Variants in PITX1 observed in about 807,000 individuals in gnomAD.
The protein encoded by PITX1 is paired like homeodomain 1.
PITX1 carries 5 observed loss-of-function variants against 24.1 expected under a neutral mutation model. That is an observed-to-expected ratio of 0.21 (90% confidence interval 0.11 to 0.44). PITX1 has a LOEUF of 0.44. Among genes scored for constraint, PITX1 ranks in the 20% least tolerant of loss-of-function variants. PITX1 has a pLI of 0.99. For synonymous variants in PITX1, 213 were observed against 208.9 expected (o/e 1.02, Z -0.17); for missense variants, 401 against 455.4 (o/e 0.88, Z 1.09).
Position 135,029,174 on chromosome 5 carries a change from AGTT to A in PITX1, c.547_549del (p.Asn183del), listed in dbSNP as rs751855351. ...GCTGGCGCCAGGCTCTTGGCGGCCCAGTTGTTGTAGGAGTAGCCGGCGGCGTAC... is the reference window on the plus strand; with the variant it reads ...GCTGGCGCCAGGCTCTTGGCGGCCCAGTTGTAGGAGTAGCCGGCGGCGTAC... On this transcript the variant is annotated inframe_deletion, in exon 3 of 3. Coordinates refer to ENST00000265340, the MANE Select transcript of PITX1 (RefSeq NM_002653.5). The A allele has an allele frequency of 2.5e-5, 40 of 1,614,096 alleles. No individual in the cohort carries two copies. Among genetic ancestry groups the A allele is most frequent in the African/African-American group, 8.0e-5 (6 of 74,944 alleles).
chr5:135,032,529 C>T (rs1366089231), intron 1 of PITX1, among the ~76,000 whole-genome samples: 1 of 152,124 alleles, frequency 6.6e-6, no homozygotes, highest in Non-Finnish European at 1.5e-5. Flanking sequence ...CGGAGAAACG[C>T]GCCATTTTGG....
intron 2 of PITX1, 44 bp from the exon 3 acceptor site, chr5:135,029,365 G>GGAGGGACCCCAC: frequency 2.0e-6 from 3 of 1,499,492 alleles, no homozygotes; most frequent in Non-Finnish European, 2.7e-6. Context: ...CTGCGGGCCG[G>GGAGGGACCCCAC]GAGGGACCCC....
rs756005087 is a variant in PITX1 at position 135,029,090 on chromosome 5, A to T, written c.634T>A (p.Ser212Thr). ...ATGGAGCTGGGTGCTGAGAACATGG[A>T]CTGCGACGACAGCGGGCTCATGGAG... ...FNSMSPLSSQ[S>T]MFSAPSSISS... The change falls in exon 3 of 3, where the codon TCC becomes ACC. Residue 212 changes from serine to threonine, a missense_variant. Around this residue, in one of 3 missense-constraint regions of PITX1, gnomAD observed 217 missense variants for 219.8 expected, o/e 0.99. Coordinates refer to ENST00000265340, the MANE Select transcript of PITX1 (RefSeq NM_002653.5). 1.9e-6 allele frequency: 3 copies of T among 1,614,126 alleles called. No individual in the cohort carries two copies. In the South Asian group the frequency reaches 3.3e-5, roughly 18 times the overall value.
chr5:135,031,894 C>T (rs1385494970), intron 1 of PITX1: 1 of 264,108 alleles, frequency 3.8e-6, no homozygotes, highest in Admixed American at 5.0e-5. Context: ...CTTTTCTGAA[C>T]TAGGATCAGA....
At chr5:135,030,360 T>G (rs1198401683) in intron 2 of PITX1, among the ~76,000 whole-genome samples, 2 of 152,158 alleles carry the variant, frequency 1.3e-5, no homozygotes, top group African/African-American at 4.8e-5. Flanking sequence ...GAGTTCAGGA[T>G]TACTGAGTGC....
rs1287893009 is a variant in PITX1, at chr5:135,028,306, G to GT, written c.*472dup. The GT allele has an allele frequency of 6.6e-6, 1 of 152,468 alleles. No individual in the cohort carries two copies. Among genetic ancestry groups the GT allele is most frequent in the Non-Finnish European group, 1.5e-5 (1 of 68,250 alleles). 9.4% of individuals were successfully genotyped at this position (152,468 alleles called of 1,614,324 possible). A position where few individuals can be genotyped will look rare whatever the true frequency, so the allele number is the denominator to read the frequency against. On this transcript the variant is annotated 3_prime_UTR_variant, in exon 3 of 3. Coordinates refer to ENST00000265340, the MANE Select transcript of PITX1 (RefSeq NM_002653.5). ...TACGGGGTCGGGAAATCCTAGGCAA[G>GT]TCCAGGCCCCGCACATCCAGTCCGC...
chr5:135,032,773 GTTGA>G (rs770245000), intron 1 of PITX1: 22 of 287,438 alleles, frequency 7.7e-5, no homozygotes, highest in Non-Finnish European at 1.3e-4. Flanking sequence ...AGAGTTCAGC[GTTGA>G]TTATGTTTTA....
intron 1 of PITX1, 45 bp from the exon 2 acceptor site, chr5:135,031,553 C>T (rs1223236732): frequency 6.8e-7 from 1 of 1,478,832 alleles, no homozygotes; most frequent in Non-Finnish European, 9.3e-7. Context: ...GCTTACGCCC[C>T]GTTGCACCCC....
chr5:135,033,983 G>T lies in PITX1; in HGVS notation c.-102C>A. 1.4e-6 allele frequency: 1 copy of T among 698,134 alleles called. No homozygotes were observed. The highest frequency in any genetic ancestry group is 2.0e-6 in the Non-Finnish European group (1 of 512,458). The allele number at this position is 698,134 out of a possible 1,614,324, so 43.2% of individuals were successfully genotyped here. ...ACAAGAGCGCAGCGCCTAAGCGGCTGCCCTCCAGGGCTGCCGGCGCCTGCA... is the reference window on the plus strand; with the variant it reads ...ACAAGAGCGCAGCGCCTAAGCGGCTTCCCTCCAGGGCTGCCGGCGCCTGCA... On this transcript the variant is annotated 5_prime_UTR_variant, in exon 1 of 3. Transcript: ENST00000265340. This position sits in a 1 kb window ranked among gnomAD's most constrained non-coding sequence, Gnocchi z 5.9.
At chr5:135,030,100 A>T (rs888685) in intron 2 of PITX1, among the ~76,000 whole-genome samples, 74,720 of 152,004 alleles carry the variant, frequency 0.49, 20,631 homozygotes, top group African/African-American at 0.75. Context: ...TTCTTACTAG[A>T]TTCTTCTAAT....
rs1306372004 is a variant in PITX1, at chr5:135,033,217, G to A, written c.169+496C>T. ...CGTCCTCTGTGTCTCCCTTCTACTT[G>A]ATGACCCCTCTCCCCCCGTTTACCC... On this transcript the variant is annotated intron_variant, in intron 1 of 2. Coordinates refer to ENST00000265340, the MANE Select transcript of PITX1 (RefSeq NM_002653.5). The surrounding 1 kb of genome is among the most constrained non-coding windows in gnomAD (Gnocchi z 5.9). 1 of 309,814 alleles carries A rather than the reference G, an allele frequency of 3.2e-6. No individual in the cohort carries two copies. Among genetic ancestry groups the A allele is most frequent in the East Asian group, 1.2e-4 (1 of 8,378 alleles). The allele number at this position is 309,814 out of a possible 1,614,324, so 19.2% of individuals were successfully genotyped here. A position where few individuals can be genotyped will look rare whatever the true frequency, so the allele number is the denominator to read the frequency against.
chr5:135,032,387 G>T (rs1184369176), intron 1 of PITX1, among the ~76,000 whole-genome samples: 2 of 152,186 alleles, frequency 1.3e-5, no homozygotes, highest in Admixed American at 1.3e-4. Flanking sequence ...ATGTACCGTT[G>T]TAGATAGATT....
At chr5:135,029,774 T>C (rs1379626119) in intron 2 of PITX1, among the ~76,000 whole-genome samples, 1 of 152,260 alleles carries the variant, frequency 6.6e-6, no homozygotes, top group African/African-American at 2.4e-5. Flanking sequence ...AATAGTTTGT[T>C]ATCATCTTTA....
chr5:135,032,339 T>C (rs1341667446), intron 1 of PITX1, among the ~76,000 whole-genome samples: 1 of 152,200 alleles, frequency 6.6e-6, no homozygotes, highest in Non-Finnish European at 1.5e-5. Context: ...AACTCCAGGT[T>C]GACAGAAGCA....
intron 2 of PITX1, 40 bp from the exon 3 acceptor site, chr5:135,029,361 G>T (rs751099739): frequency 1.3e-6 from 2 of 1,513,628 alleles, no homozygotes; most frequent in Admixed American, 4.0e-5. Flanking sequence ...GCCGCTGCGG[G>T]CCGGGAGGGA....
In PITX1 at chr5:135,033,249, C is replaced by T. The variant is rs1429151888; in HGVS notation, c.169+464G>A. 4 of 297,470 alleles carry T rather than the reference C, an allele frequency of 1.3e-5. No individual in the cohort carries two copies. Among genetic ancestry groups the T allele is most frequent in the African/African-American group, 9.5e-5 (4 of 42,076 alleles). 18.4% of individuals were successfully genotyped at this position (297,470 alleles called of 1,614,324 possible). Reference sequence around the variant, plus strand: ...CCTCTCCCCCCGTTTACCCTTCCCGCCCGCCCCTTCTCTTTGGTCTCTTTC... The same window carrying T: ...CCTCTCCCCCCGTTTACCCTTCCCGTCCGCCCCTTCTCTTTGGTCTCTTTC... On this transcript the variant is annotated intron_variant, in intron 1 of 2. Coordinates refer to ENST00000265340, the MANE Select transcript of PITX1 (RefSeq NM_002653.5). The surrounding 1 kb of genome is among the most constrained non-coding windows in gnomAD (Gnocchi z 5.9).
At chr5:135,029,396 G>A (rs1182387495) in intron 2 of PITX1, 75 bp from the exon 3 acceptor site, 4 of 1,313,538 alleles carry the variant, frequency 3.0e-6, no homozygotes, top group Non-Finnish European at 3.2e-6. Flanking sequence ...CCACCGCCTG[G>A]AGCCTTCCGT....
chr5:135,031,515 T>C lies in PITX1; in HGVS notation c.170-7A>G, dbSNP rs768279389. On this transcript the variant is annotated splice_polypyrimidine_tract_variant and splice_region_variant and intron_variant, in intron 1 of 2. Transcript: ENST00000265340. ...TCCCCGCCGCGCTCCTTCTCTGCAG[T>C]AGGCAGGACGGGGAGCGGGTCACCT... 1.3e-5 allele frequency: 20 copies of C among 1,516,808 alleles called. No homozygotes were observed. Among genetic ancestry groups the C allele is most frequent in the Non-Finnish European group, 1.8e-5 (20 of 1,096,432 alleles). 94.0% of individuals were successfully genotyped at this position (1,516,808 alleles called of 1,614,324 possible).
chr5:135,030,730 A>G (rs1045269014), intron 2 of PITX1, among the ~76,000 whole-genome samples: 8 of 152,286 alleles, frequency 5.3e-5, no homozygotes, highest in East Asian at 1.9e-4. Flanking sequence ...GGTCCTACTG[A>G]TGGCTGGGGA....
Sources: gnomAD v4.1 joint callset for allele counts (sites outside exome capture counted in the v4.1 genomes callset) on GRCh38, gnomAD v4.1.1 for gene constraint, gnomAD v4.1.1 regional missense constraint, Gnocchi (gnomAD v3.1) non-coding constraint, MANE v1.5 for transcripts, NCBI Gene and HGNC (gene_info 2026-07-23, HGNC 2026-07-21) for gene names.